The following CSMD1 variants were observed in gnomAD, a reference collection of about 807,000 sequenced individuals.
CSMD1 encodes CUB and sushi domain-containing protein 1.
CSMD1 carries 213 observed loss-of-function variants against 417.5 expected under a neutral mutation model. The ratio of observed to expected loss-of-function variants is 0.51; its 90% CI spans 0.46 to 0.57. CSMD1 has a LOEUF of 0.57. Ranked by LOEUF, CSMD1 falls within the 20% of genes least tolerant of loss-of-function variation. CSMD1 has a pLI of 0.00. For synonymous variants in CSMD1, 2,862 were observed against 1,736.8 expected (o/e 1.65, Z -16.11); for missense variants, 6,923 against 4,529.7 (o/e 1.53, Z -15.17).
intron 52 of CSMD1, among the ~76,000 whole-genome samples, chr8:3,010,004 C>T (rs1193175893): frequency 6.6e-6 from 1 of 152,156 alleles, no homozygotes. Flanking sequence ...TGAATATACC[C>T]CATTTCCACC....
chr8:4,291,520 A>G (rs1382395422), intron 3 of CSMD1, among the ~76,000 whole-genome samples: 4 of 152,172 alleles, frequency 2.6e-5, no homozygotes, highest in African/African-American at 7.2e-5. Flanking sequence ...GTTTTCGGAA[A>G]GTACATTTTG....
At chr8:4,191,862 C>A (rs57369637) in intron 3 of CSMD1, among the ~76,000 whole-genome samples, 3,438 of 151,992 alleles carry the variant, frequency 0.023, 127 homozygotes, top group African/African-American at 0.077. Context: ...AGTTTCCAGA[C>A]CTCAGCAACA....
intron 3 of CSMD1, among the ~76,000 whole-genome samples, chr8:4,210,851 T>G (rs938616479): frequency 1.3e-5 from 2 of 152,096 alleles, no homozygotes; most frequent in African/African-American, 4.8e-5. Context: ...GGGAAAGAAA[T>G]GTTTCACAGC....
intron 10 of CSMD1, among the ~76,000 whole-genome samples, chr8:3,547,956 C>A (rs958429060): frequency 6.6e-6 from 1 of 151,950 alleles, no homozygotes; most frequent in Non-Finnish European, 1.5e-5. Flanking sequence ...ATTTGCGATA[C>A]AACTTCAACC....
rs530580820 is a variant in CSMD1 at position 3,439,106 on chromosome 8, G to A, written c.1562-29501C>T. On this transcript the variant is annotated intron_variant, in intron 12 of 69. Transcript: ENST00000635120. ...CCACTGCACTCCAGCCTGGGTGACA[G>A]AGCAAGACTCCATCTCAAAAAAAAA... Among the ~76,000 whole-genome samples the A allele has an allele frequency of 5.5e-3, 397 of 71,778 alleles. 2 individuals carry two copies. The Middle Eastern group carries it at 0.11, about 20-fold the overall frequency. 47.1% of individuals were successfully genotyped at this position (71,778 alleles called of 152,430 possible). A position where few individuals can be genotyped will look rare whatever the true frequency, so the allele number is the denominator to read the frequency against.
chr8:3,142,972 G>GTAACA (rs937406201), intron 40 of CSMD1, among the ~76,000 whole-genome samples: 4 of 152,164 alleles, frequency 2.6e-5, no homozygotes, highest in African/African-American at 7.2e-5. Flanking sequence ...GAATCCTTAG[G>GTAACA]TAACAACTAG....
At position 3,653,437 on chromosome 8, in the gene CSMD1, T is replaced by C. The variant is rs539432982; in HGVS notation, c.1010-36640A>G. ...GATTGTCCTGCCTCAGCCTCCCCAGTAGCTGGGATTATAGGTGCCCAACAC... is the reference window on the plus strand; with the variant it reads ...GATTGTCCTGCCTCAGCCTCCCCAGCAGCTGGGATTATAGGTGCCCAACAC... On this transcript the variant is annotated intron_variant, in intron 7 of 69. Coordinates refer to ENST00000635120, the MANE Select transcript of CSMD1 (RefSeq NM_033225.6). Among the ~76,000 whole-genome samples, 12 of 152,220 alleles carry C rather than the reference T, an allele frequency of 7.9e-5. No homozygotes were observed. The East Asian group carries it at 2.3e-3, about 29-fold the overall frequency.
intron 25 of CSMD1, among the ~76,000 whole-genome samples, chr8:3,304,645 ATATACG>A (rs1804676037): frequency 6.6e-6 from 1 of 152,162 alleles, no homozygotes; most frequent in Non-Finnish European, 1.5e-5. Flanking sequence ...TCATATTGAA[ATATACG>A]TATACGAAGA....
intron 5 of CSMD1, among the ~76,000 whole-genome samples, chr8:3,895,870 G>C (rs1038503217): frequency 2.6e-5 from 4 of 152,162 alleles, no homozygotes; most frequent in African/African-American, 9.7e-5. Context: ...GATGGGAATA[G>C]TCAGGTTAAC....
At chr8:4,452,902 C>T (rs963996516) in intron 2 of CSMD1, among the ~76,000 whole-genome samples, 1 of 152,156 alleles carries the variant, frequency 6.6e-6, no homozygotes, top group South Asian at 2.1e-4. Context: ...AGAGAAGCAA[C>T]GATGGGCACA....
intron 2 of CSMD1, among the ~76,000 whole-genome samples, chr8:4,448,301 T>A (rs921253907): frequency 6.6e-6 from 1 of 152,152 alleles, no homozygotes; most frequent in African/African-American, 2.4e-5. Context: ...AAGGGTACAT[T>A]TTGTTTGCCG....
chr8:3,856,715 T>C (rs1804341107), intron 5 of CSMD1, among the ~76,000 whole-genome samples: 1 of 152,164 alleles, frequency 6.6e-6, no homozygotes, highest in South Asian at 2.1e-4. Flanking sequence ...GGTATGCTGT[T>C]TCCTCAAAAA....
chr8:4,259,350 G>A (rs188998790), intron 3 of CSMD1, among the ~76,000 whole-genome samples: 120 of 152,222 alleles, frequency 7.9e-4, no homozygotes, highest in African/African-American at 2.5e-3. Context: ...CTGAGAACAG[G>A]AAAGCGAGCG....
At chr8:3,933,462 C>T (rs1364837868) in intron 5 of CSMD1, among the ~76,000 whole-genome samples, 2 of 149,280 alleles carry the variant, frequency 1.3e-5, no homozygotes, top group Admixed American at 6.6e-5. Flanking sequence ...TACATCTTCA[C>T]TCCCACCCAC....
intron 3 of CSMD1, among the ~76,000 whole-genome samples, chr8:4,247,322 C>G (rs557133622): frequency 1.3e-5 from 2 of 152,244 alleles, no homozygotes; most frequent in South Asian, 2.1e-4. Context: ...CCACACTGCC[C>G]TGTCATACCA....
At chr8:4,492,392 T>C (rs1231029531) in intron 2 of CSMD1, among the ~76,000 whole-genome samples, 1 of 152,166 alleles carries the variant, frequency 6.6e-6, no homozygotes, top group Non-Finnish European at 1.5e-5. Context: ...GGATGCCAAA[T>C]ATCTGACATT....
intron 5 of CSMD1, among the ~76,000 whole-genome samples, chr8:3,872,504 G>C (rs1016890865): frequency 1.3e-5 from 2 of 152,170 alleles, no homozygotes; most frequent in African/African-American, 4.8e-5. Context: ...CCTGGTGCCT[G>C]AACTAGGTAA....
At chr8:4,459,702 A>T (rs548107874) in intron 2 of CSMD1, among the ~76,000 whole-genome samples, 1 of 152,360 alleles carries the variant, frequency 6.6e-6, no homozygotes, top group Admixed American at 6.5e-5. Context: ...TGGAGCCCAG[A>T]GCAAGTTCAG....
At chr8:4,469,180 G>A (rs530872197) in intron 2 of CSMD1, among the ~76,000 whole-genome samples, 1 of 152,244 alleles carries the variant, frequency 6.6e-6, no homozygotes, top group African/African-American at 2.4e-5. Flanking sequence ...ATACACATCA[G>A]TGGCAGGGAC....
Sources: allele counts gnomAD v4.1 joint callset (sites outside exome capture counted in the v4.1 genomes callset), GRCh38; gene constraint gnomAD v4.1.1; transcripts MANE v1.5; gene names NCBI Gene and HGNC (gene_info 2026-07-23, HGNC 2026-07-21).